The following CACNB3 variants were observed in gnomAD, a reference collection of about 807,000 sequenced individuals.
CACNB3 encodes voltage-dependent L-type calcium channel subunit beta-3.
A neutral mutation model predicts 63.7 loss-of-function variants in CACNB3; 36 were observed. The ratio of observed to expected loss-of-function variants is 0.57; its 90% CI spans 0.43 to 0.75. The LOEUF is 0.75. Ranked by LOEUF, CACNB3 falls within the 30% of genes least tolerant of loss-of-function variation. CACNB3 has a pLI of 0.00. For synonymous variants in CACNB3, 241 were observed against 250.6 expected (o/e 0.96, Z 0.36); for missense variants, 493 against 648.6 (o/e 0.76, Z 2.61).
At chr12:48,827,549 G>T in intron 12 of CACNB3, 36 bp from the exon 13 acceptor site, 1 of 1,587,270 alleles carries the variant, frequency 6.3e-7, no homozygotes, top group Non-Finnish European at 8.6e-7. Context: ...GGTGAGGTCT[G>T]TACTGCCTCA....
rs933537683 is a variant in CACNB3, at chr12:48,825,811, C to T, written c.742+42C>T. 1.5e-6 allele frequency: 2 copies of T among 1,350,390 alleles called. No individual in the cohort carries two copies. The highest frequency in any genetic ancestry group is 2.1e-6 in the Non-Finnish European group (2 of 945,860). The allele number at this position is 1,350,390 out of a possible 1,614,324, so 83.7% of individuals were successfully genotyped here. A position where few individuals can be genotyped will look rare whatever the true frequency, so the allele number is the denominator to read the frequency against. On this transcript the variant is annotated intron_variant, in intron 9 of 12. Transcript: ENST00000301050. The surrounding 1 kb of genome is among the most constrained non-coding windows in gnomAD (Gnocchi z 4.5). ...ACCTGCTTCTGTGCCCACTCAAGTG[C>T]CAGTGAGAACCTTCCTCCTCCCTTT...
chr12:48,824,570 A>G, intron 4 of CACNB3, 99 bp from the exon 5 acceptor site: 1 of 1,247,864 alleles, frequency 8.0e-7, no homozygotes, highest in South Asian at 1.3e-5. Context: ...CACTAGATAA[A>G]GCATATGGAA....
chr12:48,815,501 G>A (rs1218511871), upstream of CACNB3: 7 of 1,374,350 alleles, frequency 5.1e-6, no homozygotes, highest in African/African-American at 7.3e-5. Context: ...GAGAGGGAGG[G>A]AGGGAGGAGG....
chr12:48,828,563 CAT>C lies in CACNB3; in HGVS notation c.*665_*666del. 2.4e-6 allele frequency: 1 copy of C among 416,310 alleles called. No homozygotes were observed. Among genetic ancestry groups the C allele is most frequent in the Non-Finnish European group, 4.8e-6 (1 of 206,838 alleles). 25.8% of individuals were successfully genotyped at this position (416,310 alleles called of 1,614,324 possible). On this transcript the variant is annotated 3_prime_UTR_variant, in exon 13 of 13. Transcript: ENST00000301050. ...CTCACCCTGCCAGGAAGCTTCTTAA[CAT>C]GTGACAGGACCAGGGACCAGGAGCA... is the stretch of plus-strand genomic sequence containing the variant.
rs11379348 is a variant in CACNB3 at position 48,825,027 on chromosome 12, G to GT, written c.492+61dup. 0.4 allele frequency: 640,767 copies of GT among 1,600,758 alleles called. 131,807 individuals carry two copies. The highest frequency in any genetic ancestry group is 0.53 in the Admixed American group (31,906 of 59,840). ...CATGGCTTATGGCTCTGGGGACAGT[G>GT]TTCTAGGCAGTCATTGTTGGAGGGC... On this transcript the variant is annotated intron_variant, in intron 6 of 12. Coordinates refer to ENST00000301050, the MANE Select transcript of CACNB3 (RefSeq NM_000725.4). This position sits in a 1 kb window ranked among gnomAD's most constrained non-coding sequence, Gnocchi z 4.5.
Position 48,828,201 on chromosome 12 carries a change from G to A in CACNB3, c.*302G>A, listed in dbSNP as rs1938253604. The A allele has an allele frequency of 4.3e-6, 2 of 466,722 alleles. No individual in the cohort carries two copies. The highest frequency in any genetic ancestry group is 4.7e-5 in the South Asian group (2 of 42,786). The allele number at this position is 466,722 out of a possible 1,614,324, so 28.9% of individuals were successfully genotyped here. A position where few individuals can be genotyped will look rare whatever the true frequency, so the allele number is the denominator to read the frequency against. ...GCTGCCCCACTGGGCAGTGCCCTCA[G>A]GCCAGGATCCCCTTAGCAGGGTCCT... On this transcript the variant is annotated 3_prime_UTR_variant, in exon 13 of 13. Transcript: ENST00000301050.
In CACNB3 at chr12:48,826,601, G is replaced by A; in HGVS notation, c.894+83G>A. ...TGATTCTACTTGGTCCCTGCCTGGG[G>A]CACCTGAGTTCCCTTTTCCTGCTGC... is the stretch of plus-strand genomic sequence containing the variant. On this transcript the variant is annotated intron_variant, in intron 10 of 12. Coordinates refer to ENST00000301050, the MANE Select transcript of CACNB3 (RefSeq NM_000725.4). The surrounding 1 kb of genome is among the most constrained non-coding windows in gnomAD (Gnocchi z 4.8). 6.4e-7 allele frequency: 1 copy of A among 1,559,162 alleles called. No individual in the cohort carries two copies. Among genetic ancestry groups the A allele is most frequent in the Non-Finnish European group, 8.8e-7 (1 of 1,133,450 alleles).
In CACNB3 at chr12:48,826,324, G is replaced by A; in HGVS notation, c.743-43G>A. The A allele has an allele frequency of 1.9e-6, 3 of 1,607,162 alleles. No homozygotes were observed. The highest frequency in any genetic ancestry group is 1.7e-4 in the Middle Eastern group (1 of 5,938). ...CTCAAAGCCTGCTGGAGTGAGCAGT[G>A]GGCAGAGCTCCTGGTGAGCACTGCT... On this transcript the variant is annotated intron_variant, in intron 9 of 12. Transcript: ENST00000301050. This position sits in a 1 kb window ranked among gnomAD's most constrained non-coding sequence, Gnocchi z 4.8.
At chr12:48,817,068 T>C (rs2137434222), upstream of CACNB3, 1 of 914,648 alleles carries the variant, frequency 1.1e-6, no homozygotes, top group Non-Finnish European at 1.3e-6. Flanking sequence ...CAAACCCCAG[T>C]TGGTGCTGGA....
Position 48,827,922 on chromosome 12 carries a change from G to A in CACNB3, c.*23G>A, listed in dbSNP as rs1449418500. 5.6e-6 allele frequency: 9 copies of A among 1,596,754 alleles called. No homozygotes were observed. The highest frequency in any genetic ancestry group is 6.9e-6 in the Non-Finnish European group (8 of 1,167,706). On this transcript the variant is annotated 3_prime_UTR_variant, in exon 13 of 13. Coordinates refer to ENST00000301050, the MANE Select transcript of CACNB3 (RefSeq NM_000725.4). ...TGACAGCCTCCTGCTGCCCTACCCT[G>A]GCAGGCACAGGCGCAGCTGGCTGGG...
chr12:48,815,728 G>A, upstream of CACNB3: 1 of 1,464,250 alleles, frequency 6.8e-7, no homozygotes, highest in Non-Finnish European at 9.2e-7. Flanking sequence ...TGCTGAACGA[G>A]GTAACCGTGG....
chr12:48,819,356 A>AGCC (rs747506851), intron 1 of CACNB3, among the ~76,000 whole-genome samples: 4 of 152,050 alleles, frequency 2.6e-5, no homozygotes, highest in Non-Finnish European at 2.9e-5. Context: ...CAGCTAGGAG[A>AGCC]GCCGCCGAGG....
In CACNB3 at chr12:48,827,872, C is replaced by T; in HGVS notation, c.1428C>T (p.Asn476=). 1.2e-6 allele frequency: 2 copies of T among 1,613,884 alleles called. No homozygotes were observed. The highest frequency in any genetic ancestry group is 1.1e-5 in the South Asian group (1 of 91,072). The change falls in exon 13 of 13, where the codon AAC becomes AAT. Residue 476 remains asparagine (N), a synonymous_variant. Transcript: ENST00000301050. The part of the protein sequence containing the change: ...HNHSDRNWQR[N]RPWPKDSY ...ACAGTGACCGGAACTGGCAGCGCAA[C>T]CGGCCTTGGCCCAAGGATAGCTACT...
rs948423178 is a variant in CACNB3 at position 48,826,169 on chromosome 12, C to T, written c.743-198C>T. On this transcript the variant is annotated intron_variant, in intron 9 of 12. Transcript: ENST00000301050. The surrounding 1 kb of genome is among the most constrained non-coding windows in gnomAD (Gnocchi z 4.8). ...CTTCCTTACCTCCTTGTCTTTCTGC[C>T]CAACTCCTCTACCTGCCCCCAGGAT... 6.6e-6 allele frequency: 4 copies of T among 603,370 alleles called. No homozygotes were observed. The highest frequency in any genetic ancestry group is 8.8e-6 in the Non-Finnish European group (3 of 340,844). 37.4% of individuals were successfully genotyped at this position (603,370 alleles called of 1,614,324 possible).
chr12:48,825,315 GA>G lies in CACNB3; in HGVS notation c.573+74del. 1 of 1,574,264 alleles carries G rather than the reference GA, an allele frequency of 6.4e-7. No homozygotes were observed. Among genetic ancestry groups the G allele is most frequent in the Non-Finnish European group, 8.7e-7 (1 of 1,145,080 alleles). On this transcript the variant is annotated intron_variant, in intron 7 of 12. Coordinates refer to ENST00000301050, the MANE Select transcript of CACNB3 (RefSeq NM_000725.4). This position sits in a 1 kb window ranked among gnomAD's most constrained non-coding sequence, Gnocchi z 4.5. ...CCACAGGAAGTCCCTAGGGAAAGTG[GA>G]AGGGGTGTGTCTCCTCCGTCCAGGG...
intron 1 of CACNB3, among the ~76,000 whole-genome samples, chr12:48,822,146 C>A (rs1033526230): frequency 2.0e-5 from 3 of 152,274 alleles, no homozygotes; most frequent in African/African-American, 4.8e-5. Context: ...CCTGCATGAA[C>A]CCCTTATCTA....
At position 48,827,954 on chromosome 12, in the gene CACNB3, A is replaced by G; in HGVS notation, c.*55A>G. 1 of 1,473,408 alleles carries G rather than the reference A, an allele frequency of 6.8e-7. No homozygotes were observed. Among genetic ancestry groups the G allele is most frequent in the Non-Finnish European group, 9.3e-7 (1 of 1,070,018 alleles). The allele number at this position is 1,473,408 out of a possible 1,614,324, so 91.3% of individuals were successfully genotyped here. A position where few individuals can be genotyped will look rare whatever the true frequency, so the allele number is the denominator to read the frequency against. ...ACAGGCGCAGCTGGCTGGGGGGCCC[A>G]CTCCAGGCAGGGTGGCGTTAGACTG... On this transcript the variant is annotated 3_prime_UTR_variant, in exon 13 of 13. Transcript: ENST00000301050.
chr12:48,827,917 A>G lies in CACNB3; in HGVS notation c.*18A>G, dbSNP rs767521822. The G allele has an allele frequency of 2.5e-6, 4 of 1,603,888 alleles. No homozygotes were observed. In the African/African-American group the frequency reaches 5.4e-5, roughly 21 times the overall value. On this transcript the variant is annotated 3_prime_UTR_variant, in exon 13 of 13. Coordinates refer to ENST00000301050, the MANE Select transcript of CACNB3 (RefSeq NM_000725.4). ...GCTACTGACAGCCTCCTGCTGCCCT[A>G]CCCTGGCAGGCACAGGCGCAGCTGG...
chr12:48,826,591 C>T lies in CACNB3; in HGVS notation c.894+73C>T. On this transcript the variant is annotated intron_variant, in intron 10 of 12. Transcript: ENST00000301050. The surrounding 1 kb of genome is among the most constrained non-coding windows in gnomAD (Gnocchi z 4.8). ...GAATGTGGCATGATTCTACTTGGTC[C>T]CTGCCTGGGGCACCTGAGTTCCCTT... The T allele has an allele frequency of 6.3e-7, 1 of 1,587,100 alleles. No individual in the cohort carries two copies.
Sources: gnomAD v4.1 joint callset for allele counts (sites outside exome capture counted in the v4.1 genomes callset) on GRCh38, gnomAD v4.1.1 for gene constraint, Gnocchi (gnomAD v3.1) non-coding constraint, MANE v1.5 for transcripts, NCBI Gene and HGNC (gene_info 2026-07-23, HGNC 2026-07-21) for gene names.